The following CELF2 variants were observed in gnomAD, a reference collection of about 807,000 sequenced individuals.
The protein encoded by CELF2 is CUG triplet repeat RNA-binding protein 2.
A neutral mutation model predicts 62.6 loss-of-function variants in CELF2; 8 were observed. The ratio of observed to expected loss-of-function variants is 0.13; its 90% confidence interval spans 0.07 to 0.23. CELF2 has a LOEUF of 0.23. Among genes scored for constraint, CELF2 ranks in the 10% least tolerant of loss-of-function variants. The pLI is 1.00. For missense variants in CELF2, 333 were observed against 671.0 expected, an observed-to-expected ratio of 0.50 and a Z score of 5.56; for synonymous variants, 258 against 250.0, an observed-to-expected ratio of 1.03 and a Z score of -0.30.
the CELF2 span, among the ~76,000 whole-genome samples, chr10:10,694,268 T>C: frequency 6.6e-6 from 1 of 152,148 alleles, no homozygotes; most frequent in African/African-American, 2.4e-5. Flanking sequence ...TTTCGTTGTG[T>C]ACCCAGTAGT....
chr10:10,602,053 T>C, the CELF2 span, among the ~76,000 whole-genome samples: 2 of 152,336 alleles, frequency 1.3e-5, no homozygotes, highest in Non-Finnish European at 2.9e-5. Flanking sequence ...TCCATGTCCC[T>C]GCAAAGGACA....
chr10:10,801,726 C>A (rs936868774), intron 1 of CELF2, among the ~76,000 whole-genome samples: 4 of 152,212 alleles, frequency 2.6e-5, no homozygotes, highest in Non-Finnish European at 5.9e-5. Flanking sequence ...CCTGGAAGAT[C>A]CTCATGTGTT....
the CELF2 span, among the ~76,000 whole-genome samples, chr10:10,781,157 C>T: frequency 1.3e-5 from 2 of 152,160 alleles, no homozygotes; most frequent in African/African-American, 4.8e-5. Flanking sequence ...TACAGTCTTG[C>T]ACCACATAAT....
At chr10:10,647,418 T>C in the CELF2 span, among the ~76,000 whole-genome samples, 2 of 152,206 alleles carry the variant, frequency 1.3e-5, no homozygotes, top group African/African-American at 4.8e-5. Flanking sequence ...TTCTGATAAA[T>C]GAAAGACAAT....
At chr10:10,860,811 A>C (rs2060006756) in intron 1 of CELF2, among the ~76,000 whole-genome samples, 1 of 152,202 alleles carries the variant, frequency 6.6e-6, no homozygotes, top group Non-Finnish European at 1.5e-5. Flanking sequence ...CAGTGTGATG[A>C]GGCATTTGCC....
the CELF2 span, among the ~76,000 whole-genome samples, chr10:10,636,518 T>C: frequency 1.1e-4 from 16 of 152,224 alleles, no homozygotes; most frequent in African/African-American, 3.6e-4. Flanking sequence ...ATCACAATAA[T>C]TGTGTGTTGA....
rs2067203015 is a variant in CELF2, at chr10:11,227,979, C to CA, written c.354+10472_354+10473insA. On this transcript the variant is annotated intron_variant, in intron 3 of 12. Coordinates refer to ENST00000633077, the MANE Select transcript of CELF2 (RefSeq NM_001326342.2). The surrounding 1 kb of genome is among the most constrained non-coding windows in gnomAD (Gnocchi z 4.8). ...AGAAGAGTGTGTATTTAAATACCTG[C>CA]CAGGAAACTGTGCAGGTATTTCACA... is the stretch of plus-strand genomic sequence containing the variant. Among the ~76,000 whole-genome samples, 2 of 152,070 alleles carry CA rather than the reference C, an allele frequency of 1.3e-5. No homozygotes were observed. The highest frequency in any genetic ancestry group is 2.9e-5 in the Non-Finnish European group (2 of 68,006).
upstream of CELF2, among the ~76,000 whole-genome samples, chr10:11,000,561 G>T (rs1363375353): frequency 1.3e-5 from 2 of 152,120 alleles, no homozygotes; most frequent in African/African-American, 4.8e-5. Flanking sequence ...TTTGTGGAAG[G>T]AGTCTCCATT....
intron 1 of CELF2, among the ~76,000 whole-genome samples, chr10:10,857,497 C>A (rs2059785005): frequency 6.6e-6 from 1 of 151,424 alleles, no homozygotes; most frequent in African/African-American, 2.4e-5. Context: ...AACTGCCTGC[C>A]AAAGCACTCT....
the CELF2 span, among the ~76,000 whole-genome samples, chr10:10,592,101 C>T: frequency 6.6e-5 from 10 of 151,860 alleles, no homozygotes; most frequent in African/African-American, 2.2e-4. Flanking sequence ...TAAGTAAAAC[C>T]GGTAATTATA....
intron 1 of CELF2, among the ~76,000 whole-genome samples, chr10:11,047,963 A>G (rs1026425830): frequency 1.3e-4 from 20 of 152,314 alleles, no homozygotes; most frequent in Admixed American, 5.2e-4. Context: ...AATGAACTAA[A>G]TATCATAATA....
chr10:10,773,682 A>AGG, the CELF2 span, among the ~76,000 whole-genome samples: 355 of 152,294 alleles, frequency 2.3e-3, 1 homozygote, highest in Admixed American at 3.2e-3. Context: ...CAAATCCTTT[A>AGG]TACCAGATAA....
chr10:11,005,284 GAGAGAGAGA>G, upstream of CELF2: 1 of 1,596,488 alleles, frequency 6.3e-7, no homozygotes, highest in Non-Finnish European at 8.6e-7. The surrounding 1 kb of genome is among the most constrained non-coding windows in gnomAD (Gnocchi z 4.3). Context: ...GAGAGAGAGA[GAGAGAGAGA>G]GGGAGGAGAG....
intron 1 of CELF2, among the ~76,000 whole-genome samples, chr10:11,116,136 G>A (rs2056502821): frequency 6.6e-6 from 1 of 152,184 alleles, no homozygotes; most frequent in Non-Finnish European, 1.5e-5. Flanking sequence ...CTAAATTAAT[G>A]TTTTGAATTG....
the CELF2 span, among the ~76,000 whole-genome samples, chr10:10,707,656 G>A: frequency 1.3e-5 from 2 of 152,312 alleles, no homozygotes; most frequent in African/African-American, 2.4e-5. Context: ...AGAAGCGGAC[G>A]AAATGACCAT....
intron 2 of CELF2, among the ~76,000 whole-genome samples, chr10:10,980,989 ACACTTTT>A (rs2052024854): frequency 6.6e-6 from 1 of 152,158 alleles, no homozygotes; most frequent in Non-Finnish European, 1.5e-5. Flanking sequence ...GTGTACGTCT[ACACTTTT>A]TATAATGAAG....
intron 1 of CELF2, among the ~76,000 whole-genome samples, chr10:10,906,012 A>C (rs549566943): frequency 6.6e-6 from 1 of 152,316 alleles, no homozygotes; most frequent in South Asian, 2.1e-4. Flanking sequence ...CAAAAGTTGC[A>C]GTGAGCTCAG....
At chr10:11,236,870 TA>T (rs756885010) in intron 3 of CELF2, among the ~76,000 whole-genome samples, 21 of 152,320 alleles carry the variant, frequency 1.4e-4, no homozygotes, top group Admixed American at 3.3e-4. Flanking sequence ...GTTCATGGAA[TA>T]GGGGGTTGCC....
At chr10:11,082,152 C>G (rs763881583) in intron 1 of CELF2, among the ~76,000 whole-genome samples, 6 of 152,142 alleles carry the variant, frequency 3.9e-5, no homozygotes, top group Non-Finnish European at 5.9e-5. Context: ...CACGCTCACA[C>G]AGGCCCATCT....
Sources: gnomAD v4.1 joint callset for allele counts (sites outside exome capture counted in the v4.1 genomes callset) on GRCh38, gnomAD v4.1.1 for gene constraint, Gnocchi (gnomAD v3.1) non-coding constraint, MANE v1.5 for transcripts, NCBI Gene and HGNC (gene_info 2026-07-23, HGNC 2026-07-21) for gene names.